SH3GLB2: variants seen among roughly 807,000 people sequenced by gnomAD.
The protein encoded by SH3GLB2 is SH3 domain containing GRB2 like, endophilin B2.
In SH3GLB2, 24 loss-of-function variants were observed where a neutral mutation model predicts 48.0. That is an observed-to-expected ratio of 0.50 (90% CI 0.36 to 0.70). The LOEUF (loss-of-function observed/expected upper bound fraction) is 0.70, where lower values mean the gene tolerates loss of function less well. SH3GLB2 is among the 30% of genes least tolerant of loss of function. The pLI is 0.00. For missense variants in SH3GLB2, 425 were observed against 516.0 expected, an observed-to-expected ratio of 0.82 and a Z score of 1.71; for synonymous variants, 227 against 207.6, an observed-to-expected ratio of 1.09 and a Z score of -0.80.
Position 129,014,124 on chromosome 9 carries a change from A to G in SH3GLB2, c.561+287T>C. ...AGCCGAGCATCTAGGAGGGCAGGGC[A>G]GGGCATGCAGGAGACTCCAGCTGCC... On this transcript the variant is annotated intron_variant, in intron 5 of 10. Transcript: ENST00000372564. The surrounding 1 kb of genome is among the most constrained non-coding windows in gnomAD (Gnocchi z 4.1). 1 of 622,358 alleles carries G rather than the reference A, an allele frequency of 1.6e-6. No homozygotes were observed. 38.6% of individuals were successfully genotyped at this position (622,358 alleles called of 1,614,324 possible).
chr9:129,021,352 T>C (rs1387723884), intron 2 of SH3GLB2, 133 bp from the exon 3 acceptor site: 1 of 1,119,122 alleles, frequency 8.9e-7, no homozygotes, highest in Non-Finnish European at 1.2e-6. Flanking sequence ...CTCTTGCTCA[T>C]GCCCAACCCT....
Position 129,022,373 on chromosome 9 carries a change from G to T in SH3GLB2, c.114C>A (p.His38Gln). Residue 38 changes from histidine to glutamine, a missense_variant, in exon 2 of 11, where the codon CAC becomes CAA. By Grantham distance (24) the His-to-Gln change is conservative. Coordinates refer to ENST00000372564, the MANE Select transcript of SH3GLB2 (RefSeq NM_020145.4). The part of the protein sequence containing the change: ...GQAEKTELDA[H>Q]FENLLARADS... ...CTGCCCGGGCCAGAAGGTTTTCAAA[G>T]TGGGCATCAAGCTCAGTCTTCTCAG... The T allele has an allele frequency of 6.2e-7, 1 of 1,614,108 alleles. No individual in the cohort carries two copies. The highest frequency in any genetic ancestry group is 1.1e-5 in the South Asian group (1 of 91,076).
Position 129,021,085 on chromosome 9 carries a change from G to T in SH3GLB2, c.334+6C>A. On this transcript the variant is annotated splice_donor_region_variant and intron_variant, in intron 3 of 10. Transcript: ENST00000372564. ...CCCCTAGTCCCTGGCTGTGAGGCCT[G>T]CTCACCATAGGGGGTGGTCGGCCCC... The T allele has an allele frequency of 6.3e-7, 1 of 1,592,822 alleles. No individual in the cohort carries two copies. The highest frequency in any genetic ancestry group is 2.3e-5 in the East Asian group (1 of 43,896).
In SH3GLB2 at chr9:129,011,902, CATT is replaced by C. The variant is rs1371361023; in HGVS notation, c.624+331_624+333del. 2.1e-5 allele frequency: 6 copies of C among 287,494 alleles called. No individual in the cohort carries two copies. Among genetic ancestry groups the C allele is most frequent in the Non-Finnish European group, 3.2e-5 (5 of 155,412 alleles). 17.8% of individuals were successfully genotyped at this position (287,494 alleles called of 1,614,324 possible). A position where few individuals can be genotyped will look rare whatever the true frequency, so the allele number is the denominator to read the frequency against. ...TCCTCAGGGCCTCCCCAGGGCCTGG[CATT>C]CAGAGACAGCAGGAGGTGGAGGGGC... On this transcript the variant is annotated intron_variant, in intron 6 of 10. Coordinates refer to ENST00000372564, the MANE Select transcript of SH3GLB2 (RefSeq NM_020145.4). This position sits in a 1 kb window ranked among gnomAD's most constrained non-coding sequence, Gnocchi z 4.5.
At position 129,021,131 on chromosome 9, in the gene SH3GLB2, C is replaced by CATGTACT; in HGVS notation, c.287_293dup (p.Met98IlefsTer9). ...GCCCCAGCTCACTGGCCGCGTCTGC[C>CATGTACT]ATGTACTGAGCCAGCAGCTCCCCGT... On this transcript the variant is annotated frameshift_variant, in exon 3 of 11. Coordinates refer to ENST00000372564, the MANE Select transcript of SH3GLB2 (RefSeq NM_020145.4). LOFTEE classifies it high-confidence loss of function. The CATGTACT allele has an allele frequency of 6.2e-7, 1 of 1,612,612 alleles. No homozygotes were observed. The highest frequency in any genetic ancestry group is 1.1e-5 in the South Asian group (1 of 90,964).
intron 6 of SH3GLB2, chr9:129,010,962 CTGAG>C (rs1254730153): frequency 7.6e-6 from 4 of 527,578 alleles, no homozygotes; most frequent in Non-Finnish European, 1.4e-5. Context: ...GCCCCATTCT[CTGAG>C]TGGGGTCTCA....
intron 3 of SH3GLB2, among the ~76,000 whole-genome samples, chr9:129,016,328 A>G (rs1843414178): frequency 7.7e-6 from 1 of 130,632 alleles, no homozygotes; most frequent in Non-Finnish European, 1.6e-5. Context: ...GGGCAACAAG[A>G]GCAAGACTGT....
At position 129,014,394 on chromosome 9, in the gene SH3GLB2, G is replaced by A; in HGVS notation, c.561+17C>T. ...AGAGCCTGGGCCAGGAGGCCAGCGG[G>A]GAGCGGGGACACCTACCGTGGCTTT... On this transcript the variant is annotated intron_variant, in intron 5 of 10. Coordinates refer to ENST00000372564, the MANE Select transcript of SH3GLB2 (RefSeq NM_020145.4). This position sits in a 1 kb window ranked among gnomAD's most constrained non-coding sequence, Gnocchi z 4.1. 1 of 1,548,974 alleles carries A rather than the reference G, an allele frequency of 6.5e-7. No individual in the cohort carries two copies. Among genetic ancestry groups the A allele is most frequent in the African/African-American group, 1.4e-5 (1 of 73,110 alleles).
At chr9:129,010,332 G>A in intron 7 of SH3GLB2, 123 bp from the exon 8 acceptor site, 2 of 807,038 alleles carry the variant, frequency 2.5e-6, no homozygotes, top group Non-Finnish European at 4.0e-6. Flanking sequence ...GAGCCTTCTG[G>A]GTCTATGCCT....
At chr9:129,021,730 G>A (rs1016879607) in intron 2 of SH3GLB2, among the ~76,000 whole-genome samples, 3 of 151,746 alleles carry the variant, frequency 2.0e-5, no homozygotes, top group Non-Finnish European at 4.4e-5. Context: ...AGGCCAAGGC[G>A]GGTGGATCAT....
rs923355597 is a variant in SH3GLB2, at chr9:129,009,669, C to T, written c.839+102G>A. On this transcript the variant is annotated intron_variant, in intron 9 of 10. Transcript: ENST00000372564. ...TGGGTTCCAGCAGAGCCCTCCAACCCAGCTTTGTGTCACAGGACTTGCCCA... is the reference window on the plus strand; with the variant it reads ...TGGGTTCCAGCAGAGCCCTCCAACCTAGCTTTGTGTCACAGGACTTGCCCA... 20 of 1,388,820 alleles carry T rather than the reference C, an allele frequency of 1.4e-5. No homozygotes were observed. The South Asian group carries it at 2.2e-4, about 15-fold the overall frequency. The allele number at this position is 1,388,820 out of a possible 1,614,324, so 86.0% of individuals were successfully genotyped here.
chr9:129,013,160 G>C (rs1843223748), intron 5 of SH3GLB2: 1 of 869,194 alleles, frequency 1.2e-6, no homozygotes, highest in South Asian at 1.5e-5. Flanking sequence ...ACCACAGCCT[G>C]CCCTCCTGAA....
chr9:129,012,547 C>T (rs566744997), intron 5 of SH3GLB2: 4 of 422,616 alleles, frequency 9.5e-6, no homozygotes, highest in South Asian at 8.3e-5. Flanking sequence ...AGAGCAAATG[C>T]GGTGAGGAGA....
intron 1 of SH3GLB2, 89 bp from the exon 2 acceptor site, chr9:129,022,512 C>T: frequency 8.0e-7 from 1 of 1,244,166 alleles, no homozygotes; most frequent in East Asian, 2.4e-5. Context: ...CTGCCCCTCC[C>T]CACCAGCAGG....
intron 2 of SH3GLB2, among the ~76,000 whole-genome samples, chr9:129,021,745 G>C (rs1843813874): frequency 6.6e-6 from 1 of 151,798 alleles, no homozygotes; most frequent in Non-Finnish European, 1.5e-5. Flanking sequence ...GATCATTTGA[G>C]GTCAGGAGTT....
In SH3GLB2 at chr9:129,015,162, AAGG is replaced by A. The variant is rs746841103; in HGVS notation, c.335-261_335-259del. ...GGTTAGACTTCCAGAATGTCAGAGA[AAGG>A]AGCTCAACAAATCCCCTCCCAAAAA... is the stretch of plus-strand genomic sequence containing the variant. On this transcript the variant is annotated intron_variant, in intron 3 of 10. Transcript: ENST00000372564. Among the ~76,000 whole-genome samples, 12 of 152,176 alleles carry A rather than the reference AAGG, an allele frequency of 7.9e-5. 1 individual carries two copies. The East Asian group carries it at 1.3e-3, about 17-fold the overall frequency.
At chr9:129,010,817 T>C in intron 6 of SH3GLB2, 124 bp from the exon 7 acceptor site, 1 of 1,217,682 alleles carries the variant, frequency 8.2e-7, no homozygotes, top group South Asian at 1.4e-5. Flanking sequence ...CTGCCCCCCC[T>C]CCCAAACAGG....
chr9:129,022,739 C>A lies in SH3GLB2; in HGVS notation c.64-316G>T, dbSNP rs190645567. On this transcript the variant is annotated intron_variant, in intron 1 of 10. Coordinates refer to ENST00000372564, the MANE Select transcript of SH3GLB2 (RefSeq NM_020145.4). ...ACACAGCTTAGTGCGGTGAGGAACC[C>A]TGGGGAGGCCAGCCCTAGGGTCCTT... Among the ~76,000 whole-genome samples the A allele has an allele frequency of 4.9e-4, 75 of 152,296 alleles. No individual in the cohort carries two copies. In the East Asian group the frequency reaches 0.01, roughly 21 times the overall value.
At position 129,011,952 on chromosome 9, in the gene SH3GLB2, GC is replaced by G. The variant is rs1843149286; in HGVS notation, c.624+283del. The G allele has an allele frequency of 8.3e-6, 3 of 361,036 alleles. No homozygotes were observed. The South Asian group carries it at 4.5e-4, about 54-fold the overall frequency. The allele number at this position is 361,036 out of a possible 1,614,324, so 22.4% of individuals were successfully genotyped here. The stretch of plus-strand genomic sequence containing the variant: ...GGGCCCTGGGGATGGGACAGCTGCC[GC>G]CCTGAGTTCTCCACACTACTCAGTG... On this transcript the variant is annotated intron_variant, in intron 6 of 10. Transcript: ENST00000372564. The surrounding 1 kb of genome is among the most constrained non-coding windows in gnomAD (Gnocchi z 4.5).
Sources: allele counts gnomAD v4.1 joint callset (sites outside exome capture counted in the v4.1 genomes callset), GRCh38; gene constraint gnomAD v4.1.1; non-coding constraint Gnocchi (gnomAD v3.1); transcripts MANE v1.5; gene names NCBI Gene and HGNC (gene_info 2026-07-23, HGNC 2026-07-21).